The following ITSN1 variants were observed in gnomAD, a reference collection of about 807,000 sequenced individuals.
ITSN1 encodes the protein intersectin 1.
A neutral mutation model predicts 239.8 loss-of-function variants in ITSN1; 58 were observed. The ratio of observed to expected loss-of-function variants is 0.24; its 90% CI spans 0.20 to 0.30. The LOEUF is 0.30. ITSN1 is among the 10% of genes least tolerant of loss of function. ITSN1 has a pLI of 1.00. For missense variants in ITSN1, 1,558 were observed against 2,103.3 expected (o/e 0.74, Z 5.07); for synonymous variants, 780 against 770.8 (o/e 1.01, Z -0.20).
Position 33,771,991 on chromosome 21 carries a change from T to C in ITSN1, c.1043-70T>C, listed in dbSNP as rs2069201042. On this transcript the variant is annotated intron_variant, in intron 11 of 39. Transcript: ENST00000381318. Reference sequence around the variant, plus strand: ...GTACTACAAATTTCAAATACATTGGTGAGTTTTCCTTTGAAAAGAGTCCGT... The same window carrying C: ...GTACTACAAATTTCAAATACATTGGCGAGTTTTCCTTTGAAAAGAGTCCGT... 5.2e-6 allele frequency: 8 copies of C among 1,541,322 alleles called. No homozygotes were observed. In the East Asian group the frequency reaches 1.8e-4, roughly 35 times the overall value.
intron 35 of ITSN1, 145 bp from the exon 36 acceptor site, chr21:33,883,405 A>ACACACGCACGAGTGTGCACACACGCGC: frequency 9.2e-7 from 1 of 1,081,308 alleles, no homozygotes. Context: ...GGTTACTGAA[A>ACACACGCACGAGTGTGCACACACGCGC]CACACGCACG....
chr21:33,790,973 C>G (rs929731900), intron 16 of ITSN1, among the ~76,000 whole-genome samples: 1 of 152,164 alleles, frequency 6.6e-6, no homozygotes, highest in Non-Finnish European at 1.5e-5. Flanking sequence ...GCCATCTGCT[C>G]CCCTATGTGA....
intron 26 of ITSN1, 23 bp from the exon 27 acceptor site, chr21:33,829,601 C>T: frequency 6.2e-7 from 1 of 1,611,580 alleles, no homozygotes; most frequent in Middle Eastern, 2.3e-4. Flanking sequence ...CAGTGCACTG[C>T]CGTGTTTGAT....
intron 7 of ITSN1, among the ~76,000 whole-genome samples, chr21:33,752,433 T>C (rs2067617949): frequency 1.3e-5 from 2 of 152,142 alleles, no homozygotes; most frequent in East Asian, 3.8e-4. Flanking sequence ...ATTAATCAAA[T>C]GTGTGGCTCA....
At chr21:33,741,320 TA>T (rs1233170109) in intron 5 of ITSN1, among the ~76,000 whole-genome samples, 1 of 152,164 alleles carries the variant, frequency 6.6e-6, no homozygotes, top group Non-Finnish European at 1.5e-5. Context: ...ACCAAATTTT[TA>T]AAAAGAAAAA....
chr21:33,747,334 G>T (rs1273778364), intron 5 of ITSN1, among the ~76,000 whole-genome samples: 4 of 152,106 alleles, frequency 2.6e-5, no homozygotes, highest in African/African-American at 9.7e-5. Context: ...AAGTTTCAGA[G>T]ACTTATGGAA....
chr21:33,816,630 A>AG (rs2073289913), intron 22 of ITSN1, among the ~76,000 whole-genome samples: 1 of 152,206 alleles, frequency 6.6e-6, no homozygotes, highest in Admixed American at 6.5e-5. Context: ...AAGATTTCTC[A>AG]GGGGGAGAGA....
rs1038643303 is a variant in ITSN1 at position 33,865,834 on chromosome 21, T to C, written c.4074+500T>C. ...AGTCAGTGTGGGATGCCAGGACCTC[T>C]TCCTTGGAGGTAGCAGGGATCTGGA... On this transcript the variant is annotated intron_variant, in intron 32 of 39. Transcript: ENST00000381318. This position sits in a 1 kb window ranked among gnomAD's most constrained non-coding sequence, Gnocchi z 4.4. 1.3e-5 allele frequency among the ~76,000 whole-genome samples: 2 copies of C among 152,078 alleles called. No homozygotes were observed. The highest frequency in any genetic ancestry group is 4.8e-5 in the African/African-American group (2 of 41,398).
intron 7 of ITSN1, among the ~76,000 whole-genome samples, chr21:33,752,442 C>T (rs2067619300): frequency 6.6e-6 from 1 of 152,202 alleles, no homozygotes; most frequent in Middle Eastern, 3.4e-3. Context: ...ATGTGTGGCT[C>T]AATTTTATTA....
At chr21:33,650,375 A>G (rs2088403549) in intron 1 of ITSN1, among the ~76,000 whole-genome samples, 1 of 152,126 alleles carries the variant, frequency 6.6e-6, no homozygotes, top group Admixed American at 6.5e-5. Flanking sequence ...TGGAGCTCCA[A>G]CGAATTGGAG....
chr21:33,644,992 T>A (rs1464033864), intron 1 of ITSN1, among the ~76,000 whole-genome samples: 5 of 152,062 alleles, frequency 3.3e-5, no homozygotes, highest in Non-Finnish European at 5.9e-5. Context: ...CAGCTAATTT[T>A]AAAATTTTTT....
chr21:33,719,580 G>T (rs78763071), intron 2 of ITSN1, among the ~76,000 whole-genome samples: 2,228 of 152,108 alleles, frequency 0.015, 27 homozygotes, highest in Non-Finnish European at 0.023. Context: ...GTTTAAATTG[G>T]GATCCAAATA....
At chr21:33,888,099 C>T in intron 39 of ITSN1, 53 bp from the exon 40 acceptor site, 5 of 1,587,030 alleles carry the variant, frequency 3.2e-6, no homozygotes, top group Non-Finnish European at 4.3e-6. Context: ...AGACATGTGC[C>T]TCGAAGAGAG....
At chr21:33,671,310 C>T (rs2090259596) in intron 1 of ITSN1, among the ~76,000 whole-genome samples, 1 of 151,900 alleles carries the variant, frequency 6.6e-6, no homozygotes, top group African/African-American at 2.4e-5. Flanking sequence ...TGTTTTGAGA[C>T]AGAGTTTCAA....
chr21:33,688,104 G>A (rs896159396), intron 1 of ITSN1, among the ~76,000 whole-genome samples: 1 of 151,252 alleles, frequency 6.6e-6, no homozygotes, highest in African/African-American at 2.4e-5. Flanking sequence ...TCTTGAAAAG[G>A]CATGTGTTTA....
intron 20 of ITSN1, among the ~76,000 whole-genome samples, chr21:33,807,673 T>C (rs1274064858): frequency 6.6e-6 from 1 of 151,862 alleles, no homozygotes; most frequent in African/African-American, 2.4e-5. Flanking sequence ...GGAGTAACAA[T>C]AGATCATGGG....
chr21:33,739,250 T>G (rs550482566), intron 5 of ITSN1, among the ~76,000 whole-genome samples: 3 of 152,202 alleles, frequency 2.0e-5, no homozygotes, highest in Non-Finnish European at 4.4e-5. Context: ...AATAGAATTT[T>G]CTATTGTAGG....
chr21:33,866,965 A>G (rs1432454012), intron 32 of ITSN1, among the ~76,000 whole-genome samples: 1 of 136,538 alleles, frequency 7.3e-6, no homozygotes, highest in Admixed American at 7.0e-5. Context: ...TGCATAAGGA[A>G]CCATGCATGC....
chr21:33,687,901 G>T (rs1231700649), intron 1 of ITSN1, among the ~76,000 whole-genome samples: 1 of 152,160 alleles, frequency 6.6e-6, no homozygotes, highest in African/African-American at 2.4e-5. Context: ...AATATACAAA[G>T]ACTGTTTCTA....
Sources: gnomAD v4.1 joint callset for allele counts (sites outside exome capture counted in the v4.1 genomes callset) on GRCh38, gnomAD v4.1.1 for gene constraint, Gnocchi (gnomAD v3.1) non-coding constraint, MANE v1.5 for transcripts, NCBI Gene and HGNC (gene_info 2026-07-23, HGNC 2026-07-21) for gene names.